The following CABIN1 variants were observed in gnomAD, a reference collection of about 807,000 sequenced individuals.
CABIN1 encodes the protein calcineurin-binding protein cabin-1.
In CABIN1, 133 loss-of-function variants were observed where a neutral mutation model predicts 227.7. The ratio of observed to expected loss-of-function variants is 0.58; its 90% confidence interval spans 0.51 to 0.67. The LOEUF (loss-of-function observed/expected upper bound fraction) is 0.67, where lower values mean the gene tolerates loss of function less well. Ranked by LOEUF, CABIN1 falls within the 30% of genes least tolerant of loss-of-function variation. CABIN1 has a pLI of 0.00. For synonymous variants in CABIN1, 1,086 were observed against 1,155.1 expected, an observed-to-expected ratio of 0.94 and a Z score of 1.21; for missense variants, 2,408 against 2,852.5, an observed-to-expected ratio of 0.84 and a Z score of 3.55.
chr22:24,062,938 C>G, intron 13 of CABIN1, 21 bp from the exon 14 acceptor site: 1 of 1,612,288 alleles, frequency 6.2e-7, no homozygotes, highest in Non-Finnish European at 8.5e-7. Context: ...GAAGTTGACT[C>G]GTTGGCCTGA....
chr22:24,034,321 T>C (rs550833154), intron 1 of CABIN1, among the ~76,000 whole-genome samples: 6 of 152,364 alleles, frequency 3.9e-5, no homozygotes, highest in African/African-American at 1.4e-4. Flanking sequence ...ATTTGCATAT[T>C]CTGGACATTT....
At chr22:24,150,888 G>A (rs910779550) in intron 29 of CABIN1, among the ~76,000 whole-genome samples, 2 of 152,190 alleles carry the variant, frequency 1.3e-5, no homozygotes, top group African/African-American at 4.8e-5. Context: ...TAAGGGGTGG[G>A]AGGCCTTGGT....
rs571752468 is a variant in CABIN1, at chr22:24,092,597, G to A, written c.3786+754G>A. ...GAGGCTATGTGCCCAGTCTCTACCAGTCTCACGTGCCCAGCAAGCCTCTTG... is the reference window on the plus strand; with the variant it reads ...GAGGCTATGTGCCCAGTCTCTACCAATCTCACGTGCCCAGCAAGCCTCTTG... On this transcript the variant is annotated intron_variant, in intron 24 of 36. Transcript: ENST00000263119. Among the ~76,000 whole-genome samples the A allele has an allele frequency of 2.0e-5, 3 of 152,152 alleles. No homozygotes were observed. In the South Asian group the frequency reaches 6.2e-4, roughly 32 times the overall value.
intron 16 of CABIN1, among the ~76,000 whole-genome samples, chr22:24,068,426 A>T (rs3827321): frequency 3.3e-5 from 5 of 152,178 alleles, no homozygotes; most frequent in Admixed American, 2.0e-4. Flanking sequence ...GATGGCCTCA[A>T]TGCTCAGATG....
chr22:24,070,330 C>T (rs1011453457), intron 16 of CABIN1, among the ~76,000 whole-genome samples: 3 of 152,224 alleles, frequency 2.0e-5, no homozygotes, highest in African/African-American at 7.2e-5. Flanking sequence ...TTTAGTGTTG[C>T]CTGGCCAGTT....
At chr22:24,056,868 G>A (rs1418322713) in intron 10 of CABIN1, among the ~76,000 whole-genome samples, 2 of 152,158 alleles carry the variant, frequency 1.3e-5, no homozygotes, top group Non-Finnish European at 1.5e-5. Flanking sequence ...GGGACAAGCA[G>A]GAACCAGGCT....
Position 24,059,261 on chromosome 22 carries a change from T to G in CABIN1, c.1297T>G (p.Ser433Ala). 6.2e-7 allele frequency: 1 copy of G among 1,614,208 alleles called. No individual in the cohort carries two copies. The highest frequency in any genetic ancestry group is 1.3e-5 in the African/African-American group (1 of 75,056). The change falls in exon 11 of 37, where the codon TCC becomes GCC. Residue 433 changes from serine to alanine, a missense_variant. By Grantham distance (99) the Ser-to-Ala change is moderately conservative (BLOSUM62 1). This residue lies in a region of CABIN1 where 1,045 missense variants were observed against 1,168.4 expected (regional missense o/e 0.89). Coordinates refer to ENST00000263119, the MANE Select transcript of CABIN1 (RefSeq NM_012295.4). ...RKLDPEEEDD[S>A]FNNYEVQSEA... Reference sequence around the variant, plus strand: ...GCTGGACCCTGAGGAGGAAGATGATTCCTTTAATAACTATGAAGTCCAGTC... The same window carrying G: ...GCTGGACCCTGAGGAGGAAGATGATGCCTTTAATAACTATGAAGTCCAGTC...
rs929282210 is a variant in CABIN1, at chr22:24,147,076, C to T, written c.4746+12661C>T. Among the ~76,000 whole-genome samples, 33 of 152,360 alleles carry T rather than the reference C, an allele frequency of 2.2e-4. 1 individual carries two copies. The highest frequency in any genetic ancestry group is 3.4e-3 in the Middle Eastern group (1 of 294). On this transcript the variant is annotated intron_variant, in intron 29 of 36. Transcript: ENST00000263119. Reference sequence around the variant, plus strand: ...TGTATATACATCCACCACCTCAGCCCACAGCCCCCTCTGCCCCCAGCTGCC... The same window carrying T: ...TGTATATACATCCACCACCTCAGCCTACAGCCCCCTCTGCCCCCAGCTGCC...
chr22:24,062,520 GC>G (rs1305627660), intron 13 of CABIN1, among the ~76,000 whole-genome samples: 1 of 151,886 alleles, frequency 6.6e-6, no homozygotes, highest in East Asian at 1.9e-4. Flanking sequence ...ACCATGCCTG[GC>G]TAATTTTTGT....
intron 29 of CABIN1, among the ~76,000 whole-genome samples, chr22:24,145,681 T>C (rs1660739723): frequency 6.6e-6 from 1 of 152,110 alleles, no homozygotes; most frequent in Admixed American, 6.5e-5. Flanking sequence ...CATATGTCTG[T>C]CCTCCAATGG....
At chr22:24,100,927 T>C (rs1036702702) in intron 26 of CABIN1, among the ~76,000 whole-genome samples, 1 of 152,244 alleles carries the variant, frequency 6.6e-6, no homozygotes, top group African/African-American at 2.4e-5. Flanking sequence ...TTGGTGGAAC[T>C]AGGGTAAGAC....
At chr22:24,082,004 G>T (rs1049045100) in intron 19 of CABIN1, among the ~76,000 whole-genome samples, 1 of 152,106 alleles carries the variant, frequency 6.6e-6, no homozygotes, top group Non-Finnish European at 1.5e-5. Flanking sequence ...TCCAGCCTGG[G>T]CGACGGAGCG....
intron 26 of CABIN1, among the ~76,000 whole-genome samples, chr22:24,110,185 A>T (rs1370913010): frequency 6.6e-6 from 1 of 152,226 alleles, no homozygotes; most frequent in African/African-American, 2.4e-5. Flanking sequence ...ATTTTTTTTA[A>T]GTTCTATTTT....
chr22:24,109,426 G>C (rs923277505), intron 26 of CABIN1, among the ~76,000 whole-genome samples: 1 of 151,582 alleles, frequency 6.6e-6, no homozygotes, highest in Admixed American at 6.6e-5. Context: ...ATGTTGCCCA[G>C]GCTGGTCTTG....
intron 19 of CABIN1, among the ~76,000 whole-genome samples, chr22:24,080,008 A>G (rs892573963): frequency 2.6e-5 from 4 of 152,160 alleles, no homozygotes; most frequent in African/African-American, 9.6e-5. Context: ...GGATGGGGGT[A>G]CTTTTACTTC....
intron 13 of CABIN1, 75 bp downstream of exon 13, chr22:24,062,100 G>A: frequency 1.6e-6 from 2 of 1,240,052 alleles, no homozygotes; most frequent in Non-Finnish European, 1.2e-6. Flanking sequence ...TGAGGCGGGA[G>A]ACTGAGTCAT....
rs539027457 is a variant in CABIN1, at chr22:24,078,830, A to G, written c.2748+2546A>G. 3.3e-5 allele frequency among the ~76,000 whole-genome samples: 5 copies of G among 150,594 alleles called. No homozygotes were observed. In the East Asian group the frequency reaches 6.0e-4, roughly 18 times the overall value. On this transcript the variant is annotated intron_variant, in intron 19 of 36. Transcript: ENST00000263119. ...AAGAAAGCATGCTCTTCACTACCCT[A>G]CCTCCCTCACTCTCTTGAAGCTGGT...
intron 29 of CABIN1, among the ~76,000 whole-genome samples, chr22:24,146,423 C>G (rs897932511): frequency 4.6e-5 from 7 of 152,236 alleles, no homozygotes; most frequent in Non-Finnish European, 8.8e-5. Flanking sequence ...TTGCACAGCC[C>G]CCGTGTTCAG....
intron 27 of CABIN1, among the ~76,000 whole-genome samples, chr22:24,115,788 C>G (rs1356267690): frequency 6.6e-6 from 1 of 152,214 alleles, no homozygotes; most frequent in Non-Finnish European, 1.5e-5. Context: ...CAAGTGTGCT[C>G]CACACCACTT....
Sources: allele counts gnomAD v4.1 joint callset (sites outside exome capture counted in the v4.1 genomes callset), GRCh38; gene constraint gnomAD v4.1.1; regional missense constraint gnomAD v4.1.1; transcripts MANE v1.5; gene names NCBI Gene and HGNC (gene_info 2026-07-23, HGNC 2026-07-21).